Variants in SDHC observed in about 807,000 individuals in gnomAD.
SDHC encodes succinate dehydrogenase complex subunit C.
A neutral mutation model predicts 22.6 loss-of-function variants in SDHC; 11 were observed. The observed-to-expected ratio is 0.49, with a 90% CI of 0.31 to 0.81. The LOEUF (loss-of-function observed/expected upper bound fraction) is 0.81. Ranked by LOEUF, SDHC falls within the 30% of genes least tolerant of loss-of-function variation. The pLI is 0.05. For missense variants in SDHC, 160 were observed against 212.0 expected (o/e 0.75, Z 1.52); for synonymous variants, 80 against 77.8 (o/e 1.03, Z -0.15).
At chr1:161,328,241 A>T (rs1248905106) in intron 2 of SDHC, among the ~76,000 whole-genome samples, 155 bp from the exon 3 acceptor site, 1 of 152,112 alleles carries the variant, frequency 6.6e-6, no homozygotes, top group Admixed American at 6.6e-5. Flanking sequence ...ACCTCAGGTG[A>T]TCCGCCCGCC....
rs562258287 is a variant in SDHC at position 161,359,573 on chromosome 1, A to G, written c.405+2733A>G. 2.6e-5 allele frequency among the ~76,000 whole-genome samples: 4 copies of G among 152,318 alleles called. No individual in the cohort carries two copies. In the East Asian group the frequency reaches 5.8e-4, roughly 22 times the overall value. ...TTGCCCTATATTTGTCTTTGTCTCA[A>G]TATGGGGGTAAGAGAGGGGAGGTTT... On this transcript the variant is annotated intron_variant, in intron 5 of 5. Coordinates refer to ENST00000367975, the MANE Select transcript of SDHC (RefSeq NM_003001.5).
At chr1:161,340,260 G>A (rs1671672627) in intron 3 of SDHC, among the ~76,000 whole-genome samples, 1 of 151,958 alleles carries the variant, frequency 6.6e-6, no homozygotes, top group Non-Finnish European at 1.5e-5. Context: ...TGGGACTCCA[G>A]CCTGGGTGAC....
chr1:161,362,493 T>C lies in SDHC; in HGVS notation c.*60T>C, dbSNP rs1197513349. ...TTATTACATTCACCCATCTTTCTGT[T>C]TGTCATTCTTATCTCCAGCCTGGGA... On this transcript the variant is annotated 3_prime_UTR_variant, in exon 6 of 6. Transcript: ENST00000367975. The C allele has an allele frequency of 1.9e-6, 3 of 1,611,428 alleles. No homozygotes were observed. In the African/African-American group the frequency reaches 4.0e-5, roughly 22 times the overall value.
At chr1:161,337,295 G>A (rs1289413263) in intron 3 of SDHC, among the ~76,000 whole-genome samples, 4 of 152,094 alleles carry the variant, frequency 2.6e-5, no homozygotes, top group South Asian at 2.1e-4. Flanking sequence ...CAAAGGCTAG[G>A]GCCTGAATTA....
At chr1:161,314,707 G>A (rs1670540843) in intron 1 of SDHC, 2 of 531,074 alleles carry the variant, frequency 3.8e-6, no homozygotes, top group Non-Finnish European at 6.8e-6. Context: ...AACGCAAATT[G>A]CTCTCGGGCC....
rs773923942 is a variant in SDHC at position 161,362,399 on chromosome 1, C to T, written c.476C>T (p.Thr159Ile). Residue 159 changes from threonine to isoleucine, a missense_variant, in exon 6 of 6, where the codon ACT becomes ATT. Transcript: ENST00000367975. ...YQSGVVVLVL[T>I]VLSSMGLAAM ...TCTGGAGTGGTTGTCCTGGTTCTTA[C>T]TGTGTTGTCCTCTATGGGGCTGGCA... 2 of 1,612,994 alleles carry T rather than the reference C, an allele frequency of 1.2e-6. No homozygotes were observed.
rs1167390816 is a variant in SDHC at position 161,362,890 on chromosome 1, G to GT, written c.*458dup. On this transcript the variant is annotated 3_prime_UTR_variant, in exon 6 of 6. Coordinates refer to ENST00000367975, the MANE Select transcript of SDHC (RefSeq NM_003001.5). ...GCTTAAAGGACAATTCTCTTCATTGGTGAGAGCCCAGGCCATTAACACCTA... is the reference window on the plus strand; with the variant it reads ...GCTTAAAGGACAATTCTCTTCATTGGTTGAGAGCCCAGGCCATTAACACCTA... 4.6e-6 allele frequency: 2 copies of GT among 432,492 alleles called. No individual in the cohort carries two copies. Among genetic ancestry groups the GT allele is most frequent in the Non-Finnish European group, 8.7e-6 (2 of 230,592 alleles). The allele number at this position is 432,492 out of a possible 1,614,324, so 26.8% of individuals were successfully genotyped here. A position where few individuals can be genotyped will look rare whatever the true frequency, so the allele number is the denominator to read the frequency against.
In SDHC at chr1:161,356,834, A is replaced by G; in HGVS notation, c.399A>G (p.Arg133=). ...TGTATCATACCTGGAATGGGATCCG[A>G]CACTTGGTAAGTTAATTCGGGATTT... is the stretch of plus-strand genomic sequence containing the variant. The part of the protein sequence containing the change: ...PLMYHTWNGI[R]HLMWDLGKGL... The change falls in exon 5 of 6, where the codon CGA becomes CGG. Residue 133 remains arginine (R), a synonymous_variant. Coordinates refer to ENST00000367975, the MANE Select transcript of SDHC (RefSeq NM_003001.5). The G allele has an allele frequency of 6.2e-7, 1 of 1,613,988 alleles. No homozygotes were observed. Among genetic ancestry groups the G allele is most frequent in the Non-Finnish European group, 8.5e-7 (1 of 1,179,930 alleles).
chr1:161,361,264 C>A (rs890339662), intron 5 of SDHC, among the ~76,000 whole-genome samples: 2 of 151,112 alleles, frequency 1.3e-5, no homozygotes, highest in African/African-American at 4.9e-5. Flanking sequence ...TAAATATATA[C>A]TTGTATATAT....
In SDHC at chr1:161,314,523, C is replaced by T. The variant is rs2102272439; in HGVS notation, c.20+98C>T. 1 of 1,462,248 alleles carries T rather than the reference C, an allele frequency of 6.8e-7. No homozygotes were observed. The highest frequency in any genetic ancestry group is 1.7e-4 in the Middle Eastern group (1 of 5,798). The allele number at this position is 1,462,248 out of a possible 1,614,324, so 90.6% of individuals were successfully genotyped here. A position where few individuals can be genotyped will look rare whatever the true frequency, so the allele number is the denominator to read the frequency against. On this transcript the variant is annotated intron_variant, in intron 1 of 5. Transcript: ENST00000367975. The stretch of plus-strand genomic sequence containing the variant: ...GATAACTGTTTATCCTGTGCCTGGG[C>T]AGGGAAAGGACCCATGGGTGTGGAG...
chr1:161,317,019 T>C (rs1670641395), intron 1 of SDHC, among the ~76,000 whole-genome samples: 1 of 143,562 alleles, frequency 7.0e-6, no homozygotes, highest in Non-Finnish European at 1.5e-5. Context: ...TTTGGTTCTT[T>C]TTCTTTTTTT....
At chr1:161,345,918 G>A (rs897982499) in intron 4 of SDHC, among the ~76,000 whole-genome samples, 2 of 151,978 alleles carry the variant, frequency 1.3e-5, no homozygotes, top group African/African-American at 4.8e-5. Flanking sequence ...CAATTCTTCT[G>A]CCTCAGCCTC....
chr1:161,356,618 G>T (rs539793753), intron 4 of SDHC, 59 bp from the exon 5 acceptor site: 1 of 1,551,632 alleles, frequency 6.4e-7, no homozygotes, highest in East Asian at 2.2e-5. Flanking sequence ...CCAGTTTTAT[G>T]TATCATATTA....
intron 4 of SDHC, among the ~76,000 whole-genome samples, chr1:161,351,815 G>C (rs1672108819): frequency 6.6e-6 from 1 of 152,222 alleles, no homozygotes; most frequent in Admixed American, 6.5e-5. Context: ...GTCACACTGA[G>C]TTTTAATCAT....
At chr1:161,347,982 G>T (rs1671959675) in intron 4 of SDHC, among the ~76,000 whole-genome samples, 1 of 152,172 alleles carries the variant, frequency 6.6e-6, no homozygotes, top group Non-Finnish European at 1.5e-5. Context: ...GCCATTAAAA[G>T]TTCATGTGCT....
intron 3 of SDHC, among the ~76,000 whole-genome samples, chr1:161,339,311 T>C (rs915188211): frequency 2.4e-4 from 37 of 151,360 alleles, no homozygotes; most frequent in Admixed American, 5.3e-4. Flanking sequence ...GTCTCCCAAG[T>C]AGCTGGGACC....
chr1:161,334,622 A>G (rs939097238), intron 3 of SDHC, among the ~76,000 whole-genome samples: 2 of 152,104 alleles, frequency 1.3e-5, no homozygotes, highest in Non-Finnish European at 2.9e-5. Context: ...AATATTTTCT[A>G]GAAATGGAGT....
intron 4 of SDHC, among the ~76,000 whole-genome samples, chr1:161,354,329 A>G (rs1672191412): frequency 6.6e-6 from 1 of 152,244 alleles, no homozygotes; most frequent in Admixed American, 6.5e-5. Context: ...AAAGAAATCT[A>G]ACATCTAATG....
chr1:161,338,800 A>G (rs982355873), intron 3 of SDHC, among the ~76,000 whole-genome samples: 3 of 152,206 alleles, frequency 2.0e-5, no homozygotes, highest in Non-Finnish European at 4.4e-5. Flanking sequence ...CATCAGTGTT[A>G]TACCTGGAGA....
Sources: gnomAD v4.1 joint callset for allele counts (sites outside exome capture counted in the v4.1 genomes callset) on GRCh38, gnomAD v4.1.1 for gene constraint, MANE v1.5 for transcripts, NCBI Gene and HGNC (gene_info 2026-07-23, HGNC 2026-07-21) for gene names.